Variants in SH3PXD2A observed in about 807,000 individuals in gnomAD.
SH3PXD2A encodes the protein SH3 and PX domain-containing protein 2A.
SH3PXD2A carries 32 observed loss-of-function variants against 115.2 expected under a neutral mutation model. The ratio of observed to expected loss-of-function variants is 0.28; its 90% CI spans 0.21 to 0.37. The LOEUF (loss-of-function observed/expected upper bound fraction) is 0.37, where lower values mean the gene tolerates loss of function less well. Among genes scored for constraint, SH3PXD2A ranks in the 10% least tolerant of loss-of-function variants. The probability of loss-of-function intolerance (pLI) is 1.00; values close to 1 mark genes in which losing one functional copy is unlikely to be tolerated. For missense variants in SH3PXD2A, 1,328 were observed against 1,498.7 expected (o/e 0.89, Z 1.88); for synonymous variants, 610 against 629.1 (o/e 0.97, Z 0.45).
intron 5 of SH3PXD2A, among the ~76,000 whole-genome samples, chr10:103,704,328 A>T (rs2037956265): frequency 6.6e-6 from 1 of 151,856 alleles, no homozygotes; most frequent in Admixed American, 6.6e-5. Context: ...CCTCAGGGGG[A>T]GGGGGGAGCA....
intron 13 of SH3PXD2A, among the ~76,000 whole-genome samples, chr10:103,611,357 G>A (rs1434503544): frequency 1.3e-5 from 2 of 152,232 alleles, no homozygotes; most frequent in Admixed American, 6.5e-5. Context: ...TAGCTTTGGA[G>A]TGCAGTGTGT....
chr10:103,749,261 T>C (rs962229087), intron 3 of SH3PXD2A, among the ~76,000 whole-genome samples: 2 of 152,190 alleles, frequency 1.3e-5, no homozygotes, highest in Non-Finnish European at 2.9e-5. Context: ...CCACAGCCCA[T>C]GTGGAACACA....
intron 2 of SH3PXD2A, among the ~76,000 whole-genome samples, chr10:103,789,910 T>C (rs1275901870): frequency 6.6e-6 from 1 of 152,198 alleles, no homozygotes; most frequent in Non-Finnish European, 1.5e-5. Context: ...AGCTGGGGTT[T>C]ATTATTCAAC....
chr10:103,836,360 C>T (rs2039539880), intron 1 of SH3PXD2A, among the ~76,000 whole-genome samples: 1 of 151,532 alleles, frequency 6.6e-6, no homozygotes, highest in African/African-American at 2.4e-5. Flanking sequence ...CTCACAGCTA[C>T]ACACAGACAT....
chr10:103,647,562 G>A (rs1440247847), intron 8 of SH3PXD2A, among the ~76,000 whole-genome samples: 2 of 152,182 alleles, frequency 1.3e-5, no homozygotes, highest in Admixed American at 6.5e-5. Flanking sequence ...GTGCAGTCAG[G>A]CCTGGGACAT....
chr10:103,632,444 G>T (rs938731765), intron 8 of SH3PXD2A, among the ~76,000 whole-genome samples: 4 of 152,184 alleles, frequency 2.6e-5, no homozygotes, highest in African/African-American at 9.6e-5. Context: ...CTGGCACCTG[G>T]CAGAGGCCTG....
chr10:103,762,679 A>G (rs1337530659), intron 3 of SH3PXD2A, among the ~76,000 whole-genome samples: 1 of 152,230 alleles, frequency 6.6e-6, no homozygotes. Context: ...TGCAGACTTC[A>G]TAAAGGCTGG....
intron 5 of SH3PXD2A, among the ~76,000 whole-genome samples, chr10:103,699,718 G>A (rs1298272337): frequency 2.0e-5 from 3 of 152,170 alleles, no homozygotes; most frequent in African/African-American, 4.8e-5. Context: ...ACAGACAGAG[G>A]GGCCTGCAGG....
intron 1 of SH3PXD2A, among the ~76,000 whole-genome samples, chr10:103,813,519 T>C (rs1050661201): frequency 1.3e-5 from 2 of 152,216 alleles, no homozygotes; most frequent in African/African-American, 4.8e-5. Context: ...GGTCTTGCTA[T>C]GTTGCCCAGG....
In SH3PXD2A at chr10:103,602,324, G is replaced by A. The variant is rs767423459; in HGVS notation, c.2894C>T (p.Ala965Val). ...GGFGKTSGTP[A>V]VKMRNGVRQV... ...CCGCACTCCGTTCCTCATCTTCACC[G>A]CTGGAGTGCCTGAGGTCTTGCCGAA... The change falls in exon 15 of 15, where the codon GCG becomes GTG. Residue 965 changes from alanine to valine, a missense_variant. By Grantham distance (64) the Ala-to-Val change is moderately conservative. Transcript: ENST00000369774. 3.1e-6 allele frequency: 5 copies of A among 1,613,654 alleles called. No individual in the cohort carries two copies. Among genetic ancestry groups the A allele is most frequent in the Admixed American group, 1.7e-5 (1 of 60,000 alleles).
At chr10:103,739,727 G>A (rs1237316231) in intron 3 of SH3PXD2A, among the ~76,000 whole-genome samples, 2 of 152,184 alleles carry the variant, frequency 1.3e-5, no homozygotes, top group South Asian at 2.1e-4. Flanking sequence ...GATGAGCATC[G>A]CAAGGAAGAT....
At chr10:103,672,328 C>A (rs773700308) in intron 6 of SH3PXD2A, among the ~76,000 whole-genome samples, 88 of 152,314 alleles carry the variant, frequency 5.8e-4, no homozygotes, top group African/African-American at 2.1e-3. Flanking sequence ...CACATCTGTA[C>A]AGTTAAGCAT....
chr10:103,795,635 G>A (rs1257357345), intron 2 of SH3PXD2A, among the ~76,000 whole-genome samples: 1 of 152,148 alleles, frequency 6.6e-6, no homozygotes, highest in African/African-American at 2.4e-5. Flanking sequence ...CAGAGTATAA[G>A]GTTTCCCTAT....
intron 3 of SH3PXD2A, among the ~76,000 whole-genome samples, chr10:103,743,744 C>T (rs1253570762): frequency 2.3e-5 from 3 of 133,022 alleles, no homozygotes; most frequent in South Asian, 4.4e-4. Context: ...GAATACCCAA[C>T]TCTAAAAACA....
chr10:103,845,808 C>T (rs1442801601), intron 1 of SH3PXD2A, among the ~76,000 whole-genome samples: 1 of 152,168 alleles, frequency 6.6e-6, no homozygotes, highest in Admixed American at 6.5e-5. Context: ...GTGCCAAGGT[C>T]TCCTTTAGTG....
chr10:103,798,395 G>A (rs1384556447), intron 2 of SH3PXD2A, among the ~76,000 whole-genome samples: 1 of 152,112 alleles, frequency 6.6e-6, no homozygotes, highest in Non-Finnish European at 1.5e-5. Flanking sequence ...CTGCAGCCAC[G>A]ACCTGCTAGG....
chr10:103,738,439 G>T (rs1280655989), intron 3 of SH3PXD2A, among the ~76,000 whole-genome samples: 1 of 152,218 alleles, frequency 6.6e-6, no homozygotes, highest in African/African-American at 2.4e-5. Flanking sequence ...TGGCCCTGGG[G>T]CTGGAATTCT....
At chr10:103,686,002 T>C (rs973526735) in intron 6 of SH3PXD2A, among the ~76,000 whole-genome samples, 5 of 152,342 alleles carry the variant, frequency 3.3e-5, no homozygotes, top group African/African-American at 1.2e-4. Context: ...TGTCTTCCTG[T>C]TGCCAAAACC....
intron 8 of SH3PXD2A, among the ~76,000 whole-genome samples, chr10:103,636,849 A>C (rs915389159): frequency 2.6e-5 from 4 of 152,076 alleles, no homozygotes; most frequent in African/African-American, 9.7e-5. Flanking sequence ...CCCAGGATTG[A>C]GCCCAAGGAT....
Sources: allele counts gnomAD v4.1 joint callset (sites outside exome capture counted in the v4.1 genomes callset), GRCh38; gene constraint gnomAD v4.1.1; transcripts MANE v1.5; gene names NCBI Gene and HGNC (gene_info 2026-07-23, HGNC 2026-07-21).